FSCN3: variants seen among roughly 807,000 people sequenced by gnomAD.
FSCN3 encodes the protein fascin actin-bundling protein 3.
A neutral mutation model predicts 53.5 loss-of-function variants in FSCN3; 43 were observed. The ratio of observed to expected loss-of-function variants is 0.80; its 90% CI spans 0.63 to 1.04. FSCN3 has a LOEUF of 1.04. Among genes scored for constraint, FSCN3 ranks in the 50% least tolerant of loss-of-function variants. The pLI is 0.00. For missense variants in FSCN3, 594 were observed against 646.5 expected, an observed-to-expected ratio of 0.92 and a Z score of 0.88; for synonymous variants, 235 against 246.6, an observed-to-expected ratio of 0.95 and a Z score of 0.44.
At chr7:127,596,873 A>C (rs1587541152) in intron 3 of FSCN3, among the ~76,000 whole-genome samples, 1 of 151,752 alleles carries the variant, frequency 6.6e-6, no homozygotes, top group African/African-American at 2.4e-5. Flanking sequence ...GTTTCCCTCC[A>C]CCCTTGCCTC....
chr7:127,594,899 C>A, intron 1 of FSCN3: 4 of 476,204 alleles, frequency 8.4e-6, no homozygotes, highest in South Asian at 6.2e-5. Flanking sequence ...GGAAGGCAAC[C>A]TTTGGGGATG....
In FSCN3 at chr7:127,600,296, T is replaced by C. The variant is rs765307108; in HGVS notation, c.1394T>C (p.Leu465Pro). 1 of 1,610,978 alleles carries C rather than the reference T, an allele frequency of 6.2e-7. No homozygotes were observed. Among genetic ancestry groups the C allele is most frequent in the East Asian group, 2.2e-5 (1 of 44,858 alleles). Residue 465 changes from leucine (L) to proline (P), a missense_variant, in exon 6 of 7, where the codon CTC becomes CCC. Physicochemically the swap from Leu to Pro is moderately conservative, Grantham distance 98. Coordinates refer to ENST00000265825, the MANE Select transcript of FSCN3 (RefSeq NM_020369.3). ...FCIELQGSNL[L>P]TVLAPNGFYM... ...ATCGAGCTTCAGGGGAGCAACTTACTCACTGTACTGGCCCCCAATGGCTTC... is the reference window on the plus strand; with the variant it reads ...ATCGAGCTTCAGGGGAGCAACTTACCCACTGTACTGGCCCCCAATGGCTTC...
At chr7:127,598,966 A>T (rs906593164) in intron 4 of FSCN3, among the ~76,000 whole-genome samples, 1 of 152,062 alleles carries the variant, frequency 6.6e-6, no homozygotes, top group Non-Finnish European at 1.5e-5. Flanking sequence ...TCTCCAAAAA[A>T]AAAAAAAAAA....
In FSCN3 at chr7:127,596,395, T is replaced by C. The variant is rs1794389034; in HGVS notation, c.909T>C (p.Ser303=). The C allele has an allele frequency of 6.2e-7, 1 of 1,611,290 alleles. No homozygotes were observed. Among genetic ancestry groups the C allele is most frequent in the Non-Finnish European group, 8.5e-7 (1 of 1,177,424 alleles). The change falls in exon 3 of 7, where the codon AGT becomes AGC. Residue 303 remains serine, a synonymous_variant. Coordinates refer to ENST00000265825, the MANE Select transcript of FSCN3 (RefSeq NM_020369.3). ...CCTTGTTCCAGTTTGAATGTGACAG[T>C]GAGAGCCCCACTGTGCAGCTTCGTT... ...RMSLFQFECD[S]ESPTVQLRSA... is the part of the protein sequence containing the mutation.
intron 5 of FSCN3, among the ~76,000 whole-genome samples, chr7:127,599,804 G>A (rs570792096): frequency 1.3e-5 from 2 of 152,122 alleles, no homozygotes; most frequent in East Asian, 1.9e-4. Flanking sequence ...AATTAGCCGG[G>A]CGTGGTGGCG....
intron 1 of FSCN3, chr7:127,595,055 T>A: frequency 1.7e-6 from 1 of 584,578 alleles, no homozygotes; most frequent in South Asian, 2.0e-5. Flanking sequence ...CTGAAGGAGG[T>A]AGACATCTAG....
In FSCN3 at chr7:127,593,961, A is replaced by G. The variant is rs763547260; in HGVS notation, c.108A>G (p.Thr36=). The change falls in exon 1 of 7, where the codon ACA becomes ACG. Residue 36 remains threonine, a synonymous_variant. Coordinates refer to ENST00000265825, the MANE Select transcript of FSCN3 (RefSeq NM_020369.3). ...TYLTFEACKN[T]VTATAKSLGR... ...TCACCTTTGAGGCATGCAAGAATAC[A>G]GTCACTGCAACTGCGAAGAGTTTGG... 4.3e-6 allele frequency: 7 copies of G among 1,612,492 alleles called. No homozygotes were observed. Among genetic ancestry groups the G allele is most frequent in the Non-Finnish European group, 5.9e-6 (7 of 1,179,476 alleles).
chr7:127,596,143 G>A lies in FSCN3; in HGVS notation c.841+140G>A, dbSNP rs75946957. The A allele has an allele frequency of 5.0e-4, 754 of 1,493,076 alleles. 4 individuals carry two copies. In the African/African-American group the frequency reaches 9.5e-3, roughly 19 times the overall value. The allele number at this position is 1,493,076 out of a possible 1,614,324, so 92.5% of individuals were successfully genotyped here. A position where few individuals can be genotyped will look rare whatever the true frequency, so the allele number is the denominator to read the frequency against. On this transcript the variant is annotated intron_variant, in intron 2 of 6. Coordinates refer to ENST00000265825, the MANE Select transcript of FSCN3 (RefSeq NM_020369.3). ...ACCCAAGGGGATCTTTTGTGCCATC[G>A]AGAAGGACAGAAAAGCATGGGTATG...
rs371822748 is a variant in FSCN3, at chr7:127,600,414, C to G, written c.*15C>G. 1 of 1,480,116 alleles carries G rather than the reference C, an allele frequency of 6.8e-7. No individual in the cohort carries two copies. Among genetic ancestry groups the G allele is most frequent in the Non-Finnish European group, 9.4e-7 (1 of 1,058,216 alleles). The allele number at this position is 1,480,116 out of a possible 1,614,324, so 91.7% of individuals were successfully genotyped here. On this transcript the variant is annotated intron_variant, in intron 6 of 6. Coordinates refer to ENST00000265825, the MANE Select transcript of FSCN3 (RefSeq NM_020369.3). ...GGGAATTTTAGGTAAGGGAGAGGAA[C>G]AGGTAAGGGGCTAGGGGAGCAGAAG...
rs1189779311 is a variant in FSCN3, at chr7:127,596,369, T to G, written c.883T>G (p.Ser295Ala). The G allele has an allele frequency of 6.2e-7, 1 of 1,613,226 alleles. No homozygotes were observed. The highest frequency in any genetic ancestry group is 1.3e-5 in the African/African-American group (1 of 74,886). ...RAASERLNRM[S>A]LFQFECDSES... is the part of the protein sequence containing the mutation. The stretch of plus-strand genomic sequence containing the variant: ...TGCTTCTGAGCGCTTAAACCGAATG[T>G]CCTTGTTCCAGTTTGAATGTGACAG... The change falls in exon 3 of 7, where the codon TCC becomes GCC. Residue 295 changes from serine (S) to alanine (A), a missense_variant. Physicochemically the swap from Ser to Ala is moderately conservative, Grantham distance 99. Transcript: ENST00000265825.
Position 127,598,439 on chromosome 7 carries a change from G to A in FSCN3, c.965G>A (p.Arg322His), listed in dbSNP as rs769542965. Residue 322 changes from arginine (R) to histidine (H), a missense_variant, in exon 4 of 7, where the codon CGC becomes CAC. Transcript: ENST00000265825. ...SANGYYLSQRRHRAVMADGHP... is the reference protein window; with the variant it reads ...SANGYYLSQRHHRAVMADGHP... ...TGTTTCTGACATTCTTTCCAGAGGCGCCACAGGGCAGTAATGGCTGATGGG... is the reference window on the plus strand; with the variant it reads ...TGTTTCTGACATTCTTTCCAGAGGCACCACAGGGCAGTAATGGCTGATGGG... 7.4e-5 allele frequency: 120 copies of A among 1,613,402 alleles called. No individual in the cohort carries two copies. In the Middle Eastern group the frequency reaches 9.9e-4, roughly 13 times the overall value.
At chr7:127,599,631 A>G (rs1177117266) in intron 5 of FSCN3, 80 bp downstream of exon 5, 5 of 1,339,538 alleles carry the variant, frequency 3.7e-6, no homozygotes, top group Non-Finnish European at 5.2e-6. Context: ...AGGGCCTGCC[A>G]CTCAGGGCTT....
intron 4 of FSCN3, 91 bp from the exon 5 acceptor site, chr7:127,599,290 C>A: frequency 1.1e-6 from 1 of 909,136 alleles, no homozygotes; most frequent in Non-Finnish European, 1.8e-6. Context: ...ATTGACCACA[C>A]CCTTCTGCAA....
intron 1 of FSCN3, 117 bp from the exon 2 acceptor site, chr7:127,595,190 G>A (rs1794366880): frequency 1.3e-6 from 1 of 770,280 alleles, no homozygotes; most frequent in Non-Finnish European, 2.1e-6. Flanking sequence ...TGTGGAAGAG[G>A]AGGTGGCTGG....
chr7:127,596,616 C>T (rs537040111), intron 3 of FSCN3, 170 bp downstream of exon 3: 15 of 403,622 alleles, frequency 3.7e-5, no homozygotes, highest in Non-Finnish European at 6.1e-5. Flanking sequence ...AAAAAAAAAA[C>T]AAAAATCAAC....
chr7:127,600,151 TC>T, intron 5 of FSCN3, 42 bp from the exon 6 acceptor site: 1 of 1,061,158 alleles, frequency 9.4e-7, no homozygotes. Context: ...GCTGGAGGAC[TC>T]CCCTGTGAAT....
intron 3 of FSCN3, 115 bp downstream of exon 3, chr7:127,596,561 A>G (rs2117428805): frequency 3.9e-6 from 2 of 508,090 alleles, no homozygotes; most frequent in East Asian, 6.0e-5. Flanking sequence ...CTGTGGAGGC[A>G]CTTGTTGATA....
chr7:127,600,170 C>G, intron 5 of FSCN3, 24 bp from the exon 6 acceptor site: 1 of 1,405,646 alleles, frequency 7.1e-7, no homozygotes, highest in South Asian at 1.2e-5. Flanking sequence ...AATGGCCCAC[C>G]AACCTGAGCT....
At chr7:127,596,661 T>A (rs1794394384) in intron 3 of FSCN3, 1 of 351,902 alleles carries the variant, frequency 2.8e-6, no homozygotes, top group African/African-American at 2.1e-5. Flanking sequence ...TTGTAAATTA[T>A]ATAATACACA....
Sources: gnomAD v4.1 joint callset for allele counts (sites outside exome capture counted in the v4.1 genomes callset) on GRCh38, gnomAD v4.1.1 for gene constraint, MANE v1.5 for transcripts, NCBI Gene and HGNC (gene_info 2026-07-23, HGNC 2026-07-21) for gene names.